The following NMBR variants were observed in gnomAD, a reference collection of about 807,000 sequenced individuals.
NMBR encodes the protein neuromedin B receptor.
Under a neutral mutation model 20.5 loss-of-function variants are expected in NMBR, and 16 were observed. The observed-to-expected ratio is 0.78, with a 90% CI of 0.53 to 1.19. The LOEUF is 1.19. NMBR is among the 50% of genes most tolerant of loss of function. The pLI is 0.00. For synonymous variants in NMBR, 212 were observed against 196.6 expected (o/e 1.08, Z -0.65); for missense variants, 582 against 499.1 (o/e 1.17, Z -1.58).
At chr6:142,109,874 G>A (rs1481680793) in intron 1 of NMBR, among the ~76,000 whole-genome samples, 1 of 152,028 alleles carries the variant, frequency 6.6e-6, no homozygotes, top group African/African-American at 2.4e-5. Context: ...CACATGTAAG[G>A]ATGCCGCAAA....
intron 1 of NMBR, among the ~76,000 whole-genome samples, chr6:142,121,428 G>T (rs1265929694): frequency 6.6e-6 from 1 of 151,914 alleles, no homozygotes; most frequent in African/African-American, 2.4e-5. Context: ...TCGACCTCTT[G>T]CTCTAGTTAG....
chr6:142,135,052 G>C (rs1778227372), intron 1 of NMBR: 2 of 426,814 alleles, frequency 4.7e-6, no homozygotes, highest in Non-Finnish European at 8.3e-6. Context: ...ATAAAATATA[G>C]TGCCTGGTTG....
At chr6:142,094,867 C>T (rs13145269) in intron 1 of NMBR, among the ~76,000 whole-genome samples, 6 of 152,244 alleles carry the variant, frequency 3.9e-5, no homozygotes, top group African/African-American at 1.2e-4. Context: ...AGGTCCTTCA[C>T]GTCCCTTGTA....
intron 1 of NMBR, among the ~76,000 whole-genome samples, chr6:142,128,092 C>T (rs917049577): frequency 5.9e-5 from 9 of 151,988 alleles, no homozygotes; most frequent in Non-Finnish European, 1.3e-4. Context: ...CTCAGTGTTG[C>T]TCTTGTGACA....
chr6:142,085,145 A>G (rs1450723868), intron 2 of NMBR, among the ~76,000 whole-genome samples: 1 of 152,202 alleles, frequency 6.6e-6, no homozygotes, highest in Non-Finnish European at 1.5e-5. Flanking sequence ...CCTCTGAGGC[A>G]TGACTGCAGT....
At chr6:142,138,617 C>G (rs146821360) in intron 1 of NMBR, among the ~76,000 whole-genome samples, 1 of 152,098 alleles carries the variant, frequency 6.6e-6, no homozygotes, top group African/African-American at 2.4e-5. Context: ...TAAACAGCAA[C>G]CTTGTTTAAT....
chr6:142,111,382 C>A (rs1165789401), intron 1 of NMBR, among the ~76,000 whole-genome samples: 1 of 152,136 alleles, frequency 6.6e-6, no homozygotes, highest in Non-Finnish European at 1.5e-5. Flanking sequence ...GTACAACAAT[C>A]ATAATTTCTG....
intron 1 of NMBR, among the ~76,000 whole-genome samples, chr6:142,114,457 C>A (rs936701865): frequency 1.3e-5 from 2 of 152,084 alleles, no homozygotes; most frequent in East Asian, 1.9e-4. Context: ...TTTCTCAAAA[C>A]CTGTCATAAC....
Position 142,088,506 on chromosome 6 carries a change from C to A in NMBR, c.153G>T (p.Leu51=). The part of the protein sequence containing the change: ...VIRCVIPSLY[L]LIITVGLLGN... The stretch of plus-strand genomic sequence containing the variant: ...CCAGCAAGCCCACGGTGATGATGAG[C>A]AGGTAGAGGGACGGGATCACACAGC... Residue 51 remains leucine (L), a synonymous_variant, in exon 2 of 4, where the codon CTG becomes CTT. Transcript: ENST00000258042. The A allele has an allele frequency of 6.2e-7, 1 of 1,614,016 alleles. No homozygotes were observed. Among genetic ancestry groups the A allele is most frequent in the Non-Finnish European group, 8.5e-7 (1 of 1,180,006 alleles).
At chr6:142,142,321 T>C (rs1778373661) in intron 1 of NMBR, among the ~76,000 whole-genome samples, 1 of 152,204 alleles carries the variant, frequency 6.6e-6, no homozygotes, top group Non-Finnish European at 1.5e-5. Flanking sequence ...ATTTGCCATT[T>C]CATGTAAGGA....
At chr6:142,091,430 G>C (rs1262224468) in intron 1 of NMBR, among the ~76,000 whole-genome samples, 1 of 151,988 alleles carries the variant, frequency 6.6e-6, no homozygotes, top group African/African-American at 2.4e-5. Flanking sequence ...TCACTTTGTT[G>C]CCCCAGCTGG....
chr6:142,098,911 T>G (rs1466100675), intron 1 of NMBR, among the ~76,000 whole-genome samples: 1 of 152,120 alleles, frequency 6.6e-6, no homozygotes. Flanking sequence ...AGACTTATTA[T>G]AAAGCTACAG....
At chr6:142,082,070 A>AT (rs1247679867) in intron 2 of NMBR, among the ~76,000 whole-genome samples, 4 of 152,200 alleles carry the variant, frequency 2.6e-5, no homozygotes, top group African/African-American at 9.7e-5. Context: ...TAAAAATGGG[A>AT]TATTTTTTAC....
chr6:142,133,909 A>C (rs1264602844), intron 1 of NMBR: 1 of 702,388 alleles, frequency 1.4e-6, no homozygotes, highest in Non-Finnish European at 2.6e-6. Context: ...CGATCCGAAT[A>C]TTCTTCCTCG....
intron 1 of NMBR, among the ~76,000 whole-genome samples, chr6:142,137,103 C>T (rs572487915): frequency 3.5e-4 from 53 of 152,070 alleles, no homozygotes; most frequent in African/African-American, 1.2e-3. Context: ...GCCATTTTCA[C>T]GATATTGATT....
At chr6:142,118,756 T>G (rs1005236792) in intron 1 of NMBR, among the ~76,000 whole-genome samples, 1 of 152,016 alleles carries the variant, frequency 6.6e-6, no homozygotes, top group African/African-American at 2.4e-5. Context: ...GTTGTACAAC[T>G]TTTTATCTCA....
At chr6:142,092,794 G>C (rs1777355297) in intron 1 of NMBR, among the ~76,000 whole-genome samples, 1 of 152,164 alleles carries the variant, frequency 6.6e-6, no homozygotes, top group Non-Finnish European at 1.5e-5. Flanking sequence ...AGAAAAGTGA[G>C]TCATACAGAG....
intron 1 of NMBR, among the ~76,000 whole-genome samples, chr6:142,122,086 G>A (rs1029355088): frequency 1.3e-5 from 2 of 151,866 alleles, no homozygotes; most frequent in Non-Finnish European, 2.9e-5. Context: ...TTCCTTTAAG[G>A]TATGAGCCTT....
At chr6:142,121,145 G>A (rs1207554108) in intron 1 of NMBR, among the ~76,000 whole-genome samples, 4 of 151,858 alleles carry the variant, frequency 2.6e-5, no homozygotes, top group Non-Finnish European at 2.9e-5. Context: ...AGGACACCTC[G>A]AAAACTGCCT....
Sources: gnomAD v4.1 joint callset for allele counts (sites outside exome capture counted in the v4.1 genomes callset) on GRCh38, gnomAD v4.1.1 for gene constraint, MANE v1.5 for transcripts, NCBI Gene and HGNC (gene_info 2026-07-23, HGNC 2026-07-21) for gene names.